Variants in ADGRL1 observed in about 807,000 individuals in gnomAD.
ADGRL1 encodes adhesion G protein-coupled receptor L1.
In ADGRL1, 31 loss-of-function variants were observed where a neutral mutation model predicts 148.9. The ratio of observed to expected loss-of-function variants is 0.21; its 90% CI spans 0.16 to 0.28. The LOEUF (loss-of-function observed/expected upper bound fraction) is 0.28, where lower values mean the gene tolerates loss of function less well. Ranked by LOEUF, ADGRL1 falls within the 10% of genes least tolerant of loss-of-function variation. The pLI, the probability that ADGRL1 is intolerant of heterozygous loss-of-function variation, is 1.00. For missense variants in ADGRL1, 1,521 were observed against 2,058.8 expected, an observed-to-expected ratio of 0.74 and a Z score of 5.05; for synonymous variants, 937 against 900.3, an observed-to-expected ratio of 1.04 and a Z score of -0.73.
intron 1 of ADGRL1, among the ~76,000 whole-genome samples, 167 bp downstream of exon 1, chr19:14,205,818 C>T (rs1972968776): frequency 6.6e-6 from 1 of 151,912 alleles, no homozygotes; most frequent in East Asian, 2.0e-4. Flanking sequence ...GCCCCCGACG[C>T]CCCTCCCGCT....
intron 1 of ADGRL1, among the ~76,000 whole-genome samples, chr19:14,184,983 A>T (rs1971494422): frequency 6.6e-6 from 1 of 152,014 alleles, no homozygotes; most frequent in African/African-American, 2.4e-5. Context: ...AGGTCTTGCT[A>T]TGTTGCCCAG....
intron 4 of ADGRL1, among the ~76,000 whole-genome samples, chr19:14,165,714 G>A (rs898123545): frequency 2.0e-5 from 3 of 151,954 alleles, no homozygotes; most frequent in African/African-American, 7.3e-5. Flanking sequence ...AGACTGGAGG[G>A]GTGTGGTGAG....
intron 1 of ADGRL1, among the ~76,000 whole-genome samples, chr19:14,196,950 G>A (rs1301888739): frequency 6.6e-6 from 1 of 152,052 alleles, no homozygotes; most frequent in Non-Finnish European, 1.5e-5. Flanking sequence ...GCAGGAAGCT[G>A]AAATATAATT....
At position 14,152,770 on chromosome 19, in the gene ADGRL1, G is replaced by C. The variant is rs1245973588; in HGVS notation, c.3423+14C>G. 1 of 1,613,830 alleles carries C rather than the reference G, an allele frequency of 6.2e-7. No homozygotes were observed. Among genetic ancestry groups the C allele is most frequent in the East Asian group, 2.2e-5 (1 of 44,886 alleles). ...CCAACACTCAGCCCCAGGGAGTCCT[G>C]TCTGGCCCGATACCTGGGTCCCTGT... On this transcript the variant is annotated intron_variant, in intron 19 of 22. Coordinates refer to ENST00000361434, the MANE Select transcript of ADGRL1 (RefSeq NM_014921.5). This position sits in a 1 kb window ranked among gnomAD's most constrained non-coding sequence, Gnocchi z 6.1.
In ADGRL1 at chr19:14,185,583, T is replaced by C. The variant is rs140611589; in HGVS notation, c.-95-1886A>G. ...TGCTGGGATTACAGGCGTGAGCCACTGTGCTGGCCAGAAACACACATTCTC... is the reference window on the plus strand; with the variant it reads ...TGCTGGGATTACAGGCGTGAGCCACCGTGCTGGCCAGAAACACACATTCTC... On this transcript the variant is annotated intron_variant, in intron 1 of 22. Coordinates refer to ENST00000361434, the MANE Select transcript of ADGRL1 (RefSeq NM_014921.5). 1.0e-3 allele frequency among the ~76,000 whole-genome samples: 152 copies of C among 152,236 alleles called. 1 individual carries two copies. The highest frequency in any genetic ancestry group is 3.5e-3 in the African/African-American group (147 of 41,534).
intron 1 of ADGRL1, among the ~76,000 whole-genome samples, chr19:14,195,450 G>C (rs1434629470): frequency 4.4e-5 from 6 of 136,198 alleles, no homozygotes; most frequent in African/African-American, 1.3e-4. Context: ...CGAGTGGGTG[G>C]GAGTCTGAGT....
intron 11 of ADGRL1, 80 bp from the exon 12 acceptor site, chr19:14,158,632 A>G (rs971619623): frequency 1.7e-6 from 2 of 1,202,184 alleles, no homozygotes; most frequent in Non-Finnish European, 2.4e-6. Flanking sequence ...TTCCCAGCTC[A>G]GCCAGCTCCT....
Position 14,162,896 on chromosome 19 carries a change from T to G in ADGRL1, c.905A>C (p.Glu302Ala). 1 of 1,613,802 alleles carries G rather than the reference T, an allele frequency of 6.2e-7. No homozygotes were observed. The highest frequency in any genetic ancestry group is 1.3e-5 in the African/African-American group (1 of 75,034). ...PYTLRFEGTW[E>A]TGYDKRSASN... ...TGCCGAGCGCTTGTCGTAACCCGTC[T>G]CCCACGTGCCCTCAAAGCGCAGTGT... Residue 302 changes from glutamate (E) to alanine (A), a missense_variant, in exon 5 of 23, where the codon GAG becomes GCG. By Grantham distance (107) the Glu-to-Ala change is moderately radical (BLOSUM62 -1). Around this residue, in one of 8 missense-constraint regions of ADGRL1, gnomAD observed 334 missense variants for 512.5 expected, o/e 0.65. Coordinates refer to ENST00000361434, the MANE Select transcript of ADGRL1 (RefSeq NM_014921.5). This position sits in a 1 kb window ranked among gnomAD's most constrained non-coding sequence, Gnocchi z 5.4.
In ADGRL1 at chr19:14,159,427, C is replaced by T. The variant is rs1350318263; in HGVS notation, c.1997G>A (p.Arg666His). 2.5e-6 allele frequency: 4 copies of T among 1,611,052 alleles called. No homozygotes were observed. The highest frequency in any genetic ancestry group is 1.7e-5 in the Admixed American group (1 of 59,726). The stretch of plus-strand genomic sequence containing the variant: ...CACGTTCTCCTTGGCAGCCAGGAAG[C>T]GGGCAGGCTCCCTGACATTGTCGGC... ...LLADNVREPA[R>H]FLAAKENVVL... Residue 666 changes from arginine (R) to histidine (H), a missense_variant, in exon 10 of 23, where the codon CGC becomes CAC. Around this residue, in one of 8 missense-constraint regions of ADGRL1, gnomAD observed 265 missense variants for 431.9 expected, o/e 0.61. Transcript: ENST00000361434. This position sits in a 1 kb window ranked among gnomAD's most constrained non-coding sequence, Gnocchi z 6.0.
intron 1 of ADGRL1, among the ~76,000 whole-genome samples, chr19:14,194,765 G>C (rs950818032): frequency 6.6e-6 from 1 of 151,864 alleles, no homozygotes; most frequent in African/African-American, 2.4e-5. Flanking sequence ...GTCACGCCTG[G>C]ACGTTCTACA....
chr19:14,162,994 C>G lies in ADGRL1; in HGVS notation c.807G>C (p.Glu269Asp). 1.2e-6 allele frequency: 2 copies of G among 1,614,046 alleles called. No homozygotes were observed. Among genetic ancestry groups the G allele is most frequent in the Non-Finnish European group, 1.7e-6 (2 of 1,180,008 alleles). The change falls in exon 5 of 23, where the codon GAG (glutamate) becomes GAC (aspartate). Residue 269 changes from glutamate to aspartate, a missense_variant. By Grantham distance (45) the Glu-to-Asp change is conservative. Transcript: ENST00000361434. The surrounding 1 kb of genome is among the most constrained non-coding windows in gnomAD (Gnocchi z 5.4). ...TGGCGTAGATGACCCACAGCCCGTTCTCGTCCACCGCCAGGTCAATGTCGG... is the reference window on the plus strand; with the variant it reads ...TGGCGTAGATGACCCACAGCCCGTTGTCGTCCACCGCCAGGTCAATGTCGG... ...GKTDIDLAVD[E>D]NGLWVIYATE...
At position 14,159,707 on chromosome 19, in the gene ADGRL1, C is replaced by T. The variant is rs761220177; in HGVS notation, c.1839+28G>A. ...CCCCCCATCAGCTGGAGCCCACGGTCCTTACACTGGGACCCCCTGGGTCTC... is the reference window on the plus strand; with the variant it reads ...CCCCCCATCAGCTGGAGCCCACGGTTCTTACACTGGGACCCCCTGGGTCTC... On this transcript the variant is annotated intron_variant, in intron 9 of 22. Transcript: ENST00000361434. This position sits in a 1 kb window ranked among gnomAD's most constrained non-coding sequence, Gnocchi z 6.0. The T allele has an allele frequency of 6.2e-7, 1 of 1,612,078 alleles. No individual in the cohort carries two copies. Among genetic ancestry groups the T allele is most frequent in the Non-Finnish European group, 8.5e-7 (1 of 1,178,288 alleles).
At chr19:14,153,050 G>A (rs374699035) in intron 18 of ADGRL1, 138 bp from the exon 19 acceptor site, 7 of 962,242 alleles carry the variant, frequency 7.3e-6, no homozygotes, top group East Asian at 5.2e-5. Flanking sequence ...CCTGTTCAGC[G>A]ACTTGCAGGC....
In ADGRL1 at chr19:14,155,449, C is replaced by A. The variant is rs745596952; in HGVS notation, c.3204G>T (p.Lys1068Asn). The change falls in exon 18 of 23, where the codon AAG (lysine) becomes AAT (asparagine). Residue 1068 changes from lysine to asparagine, a missense_variant. Physicochemically the swap from Lys to Asn is moderately conservative, Grantham distance 94. Coordinates refer to ENST00000361434, the MANE Select transcript of ADGRL1 (RefSeq NM_014921.5). The surrounding 1 kb of genome is among the most constrained non-coding windows in gnomAD (Gnocchi z 5.0). ...AGAGATAGGCCATGACCACCGACTC[C>A]TTGTTGATGAAGAGGAGGCCGAAAG... The part of the protein sequence containing the change: ...TWAFGLLFIN[K>N]ESVVMAYLFT... 1 of 1,614,156 alleles carries A rather than the reference C, an allele frequency of 6.2e-7. No homozygotes were observed. Among genetic ancestry groups the A allele is most frequent in the South Asian group, 1.1e-5 (1 of 91,086 alleles).
intron 18 of ADGRL1, among the ~76,000 whole-genome samples, chr19:14,154,794 T>G (rs1968556992): frequency 6.6e-6 from 1 of 151,820 alleles, no homozygotes; most frequent in Non-Finnish European, 1.5e-5. Context: ...TTTATATTTT[T>G]TAAGTAGAGA....
At chr19:14,184,406 G>A (rs1441843833) in intron 1 of ADGRL1, among the ~76,000 whole-genome samples, 1 of 151,694 alleles carries the variant, frequency 6.6e-6, no homozygotes, top group Non-Finnish European at 1.5e-5. Context: ...CCCAGGCACA[G>A]CGGCTCAGTT....
At chr19:14,194,496 T>G (rs751419892) in intron 1 of ADGRL1, among the ~76,000 whole-genome samples, 44 of 152,352 alleles carry the variant, frequency 2.9e-4, no homozygotes, top group Non-Finnish European at 5.1e-4. Flanking sequence ...CCGAGCAGCT[T>G]CCACGTGTAA....
chr19:14,176,676 A>G (rs1396522240), intron 3 of ADGRL1, among the ~76,000 whole-genome samples: 1 of 151,872 alleles, frequency 6.6e-6, no homozygotes, highest in Non-Finnish European at 1.5e-5. Flanking sequence ...GCCTCTACAA[A>G]AAATAAAATA....
chr19:14,174,316 C>A (rs1209825488), intron 3 of ADGRL1, among the ~76,000 whole-genome samples: 1 of 152,124 alleles, frequency 6.6e-6, no homozygotes, highest in Non-Finnish European at 1.5e-5. Context: ...TGCAGGGCAC[C>A]CTCGGCAGGG....
Sources: allele counts gnomAD v4.1 joint callset (sites outside exome capture counted in the v4.1 genomes callset), GRCh38; gene constraint gnomAD v4.1.1; regional missense constraint gnomAD v4.1.1; non-coding constraint Gnocchi (gnomAD v3.1); transcripts MANE v1.5; gene names NCBI Gene and HGNC (gene_info 2026-07-23, HGNC 2026-07-21).